DTNA: variants seen among roughly 807,000 people sequenced by gnomAD.
DTNA encodes the protein dystrobrevin alpha.
A neutral mutation model predicts 100.7 loss-of-function variants in DTNA; 43 were observed. That is an observed-to-expected ratio of 0.43 (90% CI 0.33 to 0.55). The LOEUF is 0.55. Among genes scored for constraint, DTNA ranks in the 20% least tolerant of loss-of-function variants. DTNA has a pLI of 0.04. For missense variants in DTNA, 798 were observed against 953.9 expected (o/e 0.84, Z 2.15); for synonymous variants, 349 against 347.9 (o/e 1.00, Z -0.04).
chr18:34,864,425 T>G (rs367743963), intron 17 of DTNA, among the ~76,000 whole-genome samples: 1 of 150,760 alleles, frequency 6.6e-6, no homozygotes, highest in Admixed American at 6.6e-5. Flanking sequence ...GGCTAATGTT[T>G]TGTATTTTTA....
chr18:34,643,019 G>A (rs1412207289), intron 1 of DTNA, among the ~76,000 whole-genome samples: 3 of 152,322 alleles, frequency 2.0e-5, no homozygotes, highest in East Asian at 3.9e-4. Flanking sequence ...TAACTTAGCA[G>A]CAGGCTACTG....
rs962912031 is a variant in DTNA at position 34,857,990 on chromosome 18, T to G, written c.1533-295T>G. On this transcript the variant is annotated intron_variant, in intron 15 of 22. Transcript: ENST00000444659. ...ACTTGCTAGTAGTAATGCATTACATTACTTGCTAGAGAGATGACTGGACCC... is the reference window on the plus strand; with the variant it reads ...ACTTGCTAGTAGTAATGCATTACATGACTTGCTAGAGAGATGACTGGACCC... 3.9e-5 allele frequency among the ~76,000 whole-genome samples: 6 copies of G among 152,298 alleles called. No individual in the cohort carries two copies. In the East Asian group the frequency reaches 1.2e-3, roughly 29 times the overall value.
rs370636052 is a variant in DTNA at position 34,821,876 on chromosome 18, G to T, written c.1001+961G>T. On this transcript the variant is annotated intron_variant, in intron 9 of 22. Transcript: ENST00000444659. ...CAGTTCAGCATATGATCCATAAGGG[G>T]CACTGTGGTGGGTATGAGACCTTCG... Among the ~76,000 whole-genome samples the T allele has an allele frequency of 2.4e-4, 37 of 152,334 alleles. No individual in the cohort carries two copies. The East Asian group carries it at 5.0e-3, about 21-fold the overall frequency.
chr18:34,555,564 T>C (rs983904536), intron 1 of DTNA, among the ~76,000 whole-genome samples: 6 of 152,234 alleles, frequency 3.9e-5, no homozygotes, highest in Non-Finnish European at 8.8e-5. Context: ...CCAGAGATTC[T>C]AGTGTGTTGT....
chr18:34,849,538 G>T (rs2096443617), intron 14 of DTNA, among the ~76,000 whole-genome samples: 1 of 152,164 alleles, frequency 6.6e-6, no homozygotes, highest in Non-Finnish European at 1.5e-5. Context: ...AGTGCTGCCT[G>T]TTATTAGCAT....
At chr18:34,561,745 T>A (rs1473720257) in intron 1 of DTNA, among the ~76,000 whole-genome samples, 1 of 152,218 alleles carries the variant, frequency 6.6e-6, no homozygotes, top group Non-Finnish European at 1.5e-5. Context: ...TTTTGCTGCA[T>A]GTGCTTACTA....
At chr18:34,738,939 G>A (rs2090139868) in intron 1 of DTNA, among the ~76,000 whole-genome samples, 1 of 152,144 alleles carries the variant, frequency 6.6e-6, no homozygotes, top group Non-Finnish European at 1.5e-5. Flanking sequence ...TAGATTCAGA[G>A]GGTATATGTG....
chr18:34,860,006 T>A (rs1285983509), intron 16 of DTNA, among the ~76,000 whole-genome samples: 1 of 152,030 alleles, frequency 6.6e-6, no homozygotes, highest in African/African-American at 2.4e-5. Context: ...ACAAGGCACC[T>A]GTAGTTGGGA....
chr18:34,889,987 CT>C lies in DTNA; in HGVS notation c.*2254del. 1 of 1,155,086 alleles carries C rather than the reference CT, an allele frequency of 8.7e-7. No homozygotes were observed. The highest frequency in any genetic ancestry group is 1.1e-6 in the Non-Finnish European group (1 of 935,496). 71.6% of individuals were successfully genotyped at this position (1,155,086 alleles called of 1,614,324 possible). On this transcript the variant is annotated 3_prime_UTR_variant, in exon 23 of 23. Transcript: ENST00000444659. ...AGTATTGAAAACCACTACATCCCAGCTACCTATAATGCTGTCAGCTCAAAAT... is the reference window on the plus strand; with the variant it reads ...AGTATTGAAAACCACTACATCCCAGCACCTATAATGCTGTCAGCTCAAAAT...
upstream of DTNA, chr18:34,708,196 G>T (rs966363343): frequency 2.0e-5 from 3 of 152,030 alleles, no homozygotes; most frequent in African/African-American, 7.2e-5. Context: ...ATTTGATTAC[G>T]ATGGAGAGAA....
intron 1 of DTNA, among the ~76,000 whole-genome samples, chr18:34,704,494 GATTTTTCCCCTCCTTAAC>G (rs2081869135): frequency 6.6e-6 from 1 of 152,210 alleles, no homozygotes; most frequent in African/African-American, 2.4e-5. Context: ...CTGACTGGGT[GATTTTTCCCCTCCTTAAC>G]ATTCTGCCTA....
rs192386854 is a variant in DTNA at position 34,848,585 on chromosome 18, T to A, written c.1434+202T>A. ...ATGGAAGACTTGAGGAACAAAACCA[T>A]CCACAGTAGTGTGACCCTGGAGTCA... On this transcript the variant is annotated intron_variant, in intron 14 of 22. Transcript: ENST00000444659. 1.1e-4 allele frequency among the ~76,000 whole-genome samples: 16 copies of A among 152,228 alleles called. No homozygotes were observed. The East Asian group carries it at 3.1e-3, about 29-fold the overall frequency.
In DTNA at chr18:34,888,122, G is replaced by T. The variant is rs920993196; in HGVS notation, c.*388G>T. The stretch of plus-strand genomic sequence containing the variant: ...ACCCATGCTGCTGTTATACACAATG[G>T]CAGTATTAACAAGCATTTTAAACCT... On this transcript the variant is annotated 3_prime_UTR_variant, in exon 23 of 23. Coordinates refer to ENST00000444659, the MANE Select transcript of DTNA (RefSeq NM_001386795.1). 1 of 985,826 alleles carries T rather than the reference G, an allele frequency of 1.0e-6. No individual in the cohort carries two copies. Among genetic ancestry groups the T allele is most frequent in the Non-Finnish European group, 1.2e-6 (1 of 829,926 alleles). The allele number at this position is 985,826 out of a possible 1,614,324, so 61.1% of individuals were successfully genotyped here. A position where few individuals can be genotyped will look rare whatever the true frequency, so the allele number is the denominator to read the frequency against.
chr18:34,702,048 C>A (rs1428223328), intron 1 of DTNA, among the ~76,000 whole-genome samples: 1 of 151,776 alleles, frequency 6.6e-6, no homozygotes, highest in East Asian at 1.9e-4. Context: ...TTCAGAATCC[C>A]TAACATGGGC....
chr18:34,704,330 T>C (rs1300921105), intron 1 of DTNA, among the ~76,000 whole-genome samples: 1 of 152,260 alleles, frequency 6.6e-6, no homozygotes, highest in Non-Finnish European at 1.5e-5. Flanking sequence ...TCTTGGTCAC[T>C]GAATATGCTT....
intron 1 of DTNA, among the ~76,000 whole-genome samples, chr18:34,608,508 G>C (rs968289065): frequency 7.1e-6 from 1 of 141,142 alleles, no homozygotes; most frequent in African/African-American, 2.9e-5. Context: ...AAAAGTATTC[G>C]TTAGGTTTTT....
At chr18:34,780,600 T>G (rs2094275913) in intron 3 of DTNA, among the ~76,000 whole-genome samples, 1 of 152,156 alleles carries the variant, frequency 6.6e-6, no homozygotes, top group African/African-American at 2.4e-5. Flanking sequence ...TGAGAAAAAT[T>G]TATGTAACTA....
intron 13 of DTNA, among the ~76,000 whole-genome samples, chr18:34,843,054 T>C (rs746670157): frequency 9.9e-5 from 15 of 152,278 alleles, no homozygotes; most frequent in Non-Finnish European, 2.1e-4. Context: ...TTGTAGAATA[T>C]CAGTAGTGCA....
chr18:34,606,400 A>C (rs747387757), intron 1 of DTNA, among the ~76,000 whole-genome samples: 6 of 152,216 alleles, frequency 3.9e-5, no homozygotes, highest in Non-Finnish European at 5.9e-5. Flanking sequence ...ACAACAAAAA[A>C]TGAGAAACTA....
Sources: gnomAD v4.1 joint callset for allele counts (sites outside exome capture counted in the v4.1 genomes callset) on GRCh38, gnomAD v4.1.1 for gene constraint, MANE v1.5 for transcripts, NCBI Gene and HGNC (gene_info 2026-07-23, HGNC 2026-07-21) for gene names.